The following C1orf198 variants were observed in gnomAD, a reference collection of about 807,000 sequenced individuals.
C1orf198 encodes the protein uncharacterized protein C1orf198.
Under a neutral mutation model 31.4 loss-of-function variants are expected in C1orf198, and 17 were observed. The observed-to-expected ratio is 0.54, with a 90% CI of 0.37 to 0.81. The LOEUF is 0.81. C1orf198 is among the 40% of genes least tolerant of loss of function. The pLI, the probability that C1orf198 is intolerant of heterozygous loss-of-function variation, is 0.00. For missense variants in C1orf198, 401 were observed against 450.3 expected (o/e 0.89, Z 0.99); for synonymous variants, 175 against 193.8 (o/e 0.90, Z 0.81).
chr1:230,856,258 G>A (rs1669870580), intron 1 of C1orf198: 1 of 152,578 alleles, frequency 6.6e-6, no homozygotes, highest in Non-Finnish European at 1.5e-5. Context: ...AGGCCTACCA[G>A]AGAGCTCGAG....
chr1:230,848,071 A>G (rs2102978910), intron 2 of C1orf198, among the ~76,000 whole-genome samples: 2 of 152,160 alleles, frequency 1.3e-5, no homozygotes, highest in Non-Finnish European at 1.5e-5. Flanking sequence ...GCTGGGTGTG[A>G]CCTCCTCAAA....
In C1orf198 at chr1:230,865,739, AACC is replaced by A. The variant is rs10560734; in HGVS notation, c.333+2438_333+2440del. The stretch of plus-strand genomic sequence containing the variant: ...GAACTGAGCCCCTGACCACATTCAA[AACC>A]ACCAAGATCTGTGATCAGCATCATA... On this transcript the variant is annotated intron_variant, in intron 1 of 3. Coordinates refer to ENST00000366663, the MANE Select transcript of C1orf198 (RefSeq NM_032800.3). Among the ~76,000 whole-genome samples, 98 of 152,312 alleles carry A rather than the reference AACC, an allele frequency of 6.4e-4. 1 individual carries two copies. Among genetic ancestry groups the A allele is most frequent in the African/African-American group, 2.3e-3 (95 of 41,584 alleles).
At chr1:230,868,036 T>TACCCACC in intron 1 of C1orf198, 144 bp downstream of exon 1, 3 of 861,456 alleles carry the variant, frequency 3.5e-6, no homozygotes, top group Non-Finnish European at 4.8e-6. Flanking sequence ...GCTCTGGGGC[T>TACCCACC]CCCCTCCCAC....
At chr1:230,858,185 G>C (rs922368564) in intron 1 of C1orf198, among the ~76,000 whole-genome samples, 15 of 152,162 alleles carry the variant, frequency 9.9e-5, no homozygotes, top group Non-Finnish European at 2.1e-4. Context: ...GCTCTAGGGG[G>C]CTCCTTGTCC....
intron 1 of C1orf198, among the ~76,000 whole-genome samples, chr1:230,864,362 C>G (rs1248833376): frequency 6.6e-6 from 1 of 152,164 alleles, no homozygotes; most frequent in Non-Finnish European, 1.5e-5. Flanking sequence ...CCATAGCCGC[C>G]TCTAGCCTAA....
chr1:230,863,867 C>G (rs991261908), intron 1 of C1orf198, among the ~76,000 whole-genome samples: 1 of 152,246 alleles, frequency 6.6e-6, no homozygotes, highest in African/African-American at 2.4e-5. Context: ...ACAGCAGGCA[C>G]AAGGTGGGAA....
chr1:230,844,357 A>T (rs541107748), intron 2 of C1orf198, among the ~76,000 whole-genome samples: 1 of 151,948 alleles, frequency 6.6e-6, no homozygotes, highest in African/African-American at 2.4e-5. Context: ...GCCATGTGAG[A>T]TACCTGCTCT....
In C1orf198 at chr1:230,868,324, G is replaced by A. The variant is rs1362024515; in HGVS notation, c.189C>T (p.Pro63=). The change falls in exon 1 of 4, where the codon CCC becomes CCT. Residue 63 remains proline (P), a synonymous_variant. Coordinates refer to ENST00000366663, the MANE Select transcript of C1orf198 (RefSeq NM_032800.3). ...KYGPEWARLP[P]AQQDEIIDRC... is the part of the protein sequence containing the mutation. ...GGTCGATGATCTCGTCCTGCTGCGC[G>A]GGCGGCAGCCGCGCCCACTCGGGCC... is the stretch of plus-strand genomic sequence containing the variant. The A allele has an allele frequency of 1.9e-6, 3 of 1,595,880 alleles. No homozygotes were observed. The highest frequency in any genetic ancestry group is 1.7e-5 in the Admixed American group (1 of 58,774).
At chr1:230,865,297 G>A (rs1054637856) in intron 1 of C1orf198, among the ~76,000 whole-genome samples, 1 of 152,212 alleles carries the variant, frequency 6.6e-6, no homozygotes, top group Non-Finnish European at 1.5e-5. Context: ...CGTTCTTCCA[G>A]CAGCAGCTCC....
intron 2 of C1orf198, among the ~76,000 whole-genome samples, chr1:230,847,461 T>C (rs763960998): frequency 2.3e-4 from 35 of 152,270 alleles, no homozygotes; most frequent in Admixed American, 4.6e-4. Flanking sequence ...CTAGGGTCAC[T>C]AGCCCATTAG....
In C1orf198 at chr1:230,843,271, T is replaced by C. The variant is rs369246747; in HGVS notation, c.927+83A>G. 2.0e-6 allele frequency: 3 copies of C among 1,466,370 alleles called. No homozygotes were observed. The African/African-American group carries it at 4.3e-5, about 21-fold the overall frequency. The allele number at this position is 1,466,370 out of a possible 1,614,324, so 90.8% of individuals were successfully genotyped here. A position where few individuals can be genotyped will look rare whatever the true frequency, so the allele number is the denominator to read the frequency against. On this transcript the variant is annotated intron_variant, in intron 3 of 3. Transcript: ENST00000366663. This position sits in a 1 kb window ranked among gnomAD's most constrained non-coding sequence, Gnocchi z 4.9. ...AAAAAGAGCATGGGCACCTGTGGCC[T>C]GCCTGCTTTGTGGGGGACCCTCTCG... is the stretch of plus-strand genomic sequence containing the variant.
intron 1 of C1orf198, among the ~76,000 whole-genome samples, chr1:230,858,114 T>A (rs1014266246): frequency 6.6e-6 from 1 of 152,318 alleles, no homozygotes; most frequent in Admixed American, 6.5e-5. Context: ...CCTGGAGGAA[T>A]GTGAGTTACC....
In C1orf198 at chr1:230,855,686, A is replaced by T; in HGVS notation, c.366T>A (p.Pro122=). Residue 122 remains proline, a synonymous_variant, in exon 2 of 4, where the codon CCT becomes CCA. Coordinates refer to ENST00000366663, the MANE Select transcript of C1orf198 (RefSeq NM_032800.3). ...DLTWQDEHSA[P]FSWETKSQME... is the part of the protein sequence containing the mutation. ...AACTTACCTTTGTTTCCCAGGAGAA[A>T]GGGGCAGAGTGCTCATCTTGCCAAG... is the stretch of plus-strand genomic sequence containing the variant. 1 of 1,612,874 alleles carries T rather than the reference A, an allele frequency of 6.2e-7. No individual in the cohort carries two copies. Among genetic ancestry groups the T allele is most frequent in the Non-Finnish European group, 8.5e-7 (1 of 1,179,406 alleles).
chr1:230,847,102 C>CAAAAAAAAAAAAAA (rs71179741), intron 2 of C1orf198, among the ~76,000 whole-genome samples: 1 of 69,702 alleles, frequency 1.4e-5, no homozygotes, highest in African/African-American at 9.6e-5. Flanking sequence ...GACTCCGTCT[C>CAAAAAAAAAAAAAA]AAAAAAAAAA....
At chr1:230,858,521 C>T (rs1296989183) in intron 1 of C1orf198, among the ~76,000 whole-genome samples, 1 of 152,198 alleles carries the variant, frequency 6.6e-6, no homozygotes, top group Non-Finnish European at 1.5e-5. Flanking sequence ...GAAGAACCGG[C>T]CATCCACAGG....
At chr1:230,849,227 G>A (rs73108567) in intron 2 of C1orf198, among the ~76,000 whole-genome samples, 14,749 of 152,208 alleles carry the variant, frequency 0.097, 2,094 homozygotes, top group African/African-American at 0.31. Flanking sequence ...CTGGGCTCTT[G>A]AGAAAGGAGG....
chr1:230,843,014 G>A lies in C1orf198; in HGVS notation c.927+340C>T, dbSNP rs76444490. On this transcript the variant is annotated intron_variant, in intron 3 of 3. Transcript: ENST00000366663. The surrounding 1 kb of genome is among the most constrained non-coding windows in gnomAD (Gnocchi z 4.9). ...TGCCTCTATGGACAGCTCCCAAAAA[G>A]AAGGCCCAACACAGCTTTGAGCTGT... Among the ~76,000 whole-genome samples the A allele has an allele frequency of 0.024, 3,622 of 152,310 alleles. 56 individuals carry two copies. Among genetic ancestry groups the A allele is most frequent in the Non-Finnish European group, 0.038 (2,603 of 68,022 alleles).
At chr1:230,841,380 T>C (rs1669437462) in intron 3 of C1orf198, among the ~76,000 whole-genome samples, 1 of 151,856 alleles carries the variant, frequency 6.6e-6, no homozygotes, top group African/African-American at 2.4e-5. Flanking sequence ...CCGAGGGAGG[T>C]GTGGAAGTAC....
At chr1:230,860,586 T>C (rs1215157238) in intron 1 of C1orf198, among the ~76,000 whole-genome samples, 4 of 152,214 alleles carry the variant, frequency 2.6e-5, no homozygotes, top group Non-Finnish European at 5.9e-5. Flanking sequence ...GAAGACATTA[T>C]GCTTAGTGAA....
Sources: gnomAD v4.1 joint callset for allele counts (sites outside exome capture counted in the v4.1 genomes callset) on GRCh38, gnomAD v4.1.1 for gene constraint, Gnocchi (gnomAD v3.1) non-coding constraint, MANE v1.5 for transcripts, NCBI Gene and HGNC (gene_info 2026-07-23, HGNC 2026-07-21) for gene names.